ARHGAP42: variants seen among roughly 807,000 people sequenced by gnomAD.
ARHGAP42 encodes rho GTPase-activating protein 42.
A neutral mutation model predicts 125.0 loss-of-function variants in ARHGAP42; 63 were observed. The ratio of observed to expected loss-of-function variants is 0.50; its 90% confidence interval spans 0.41 to 0.62. The LOEUF is 0.62. Among genes scored for constraint, ARHGAP42 ranks in the 20% least tolerant of loss-of-function variants. The probability of loss-of-function intolerance (pLI) is 0.00; values close to 1 mark genes in which losing one functional copy is unlikely to be tolerated. For missense variants in ARHGAP42, 766 were observed against 1,024.2 expected (o/e 0.75, Z 3.44); for synonymous variants, 339 against 351.0 (o/e 0.97, Z 0.38).
chr11:100,778,465 A>G (rs1863185106), intron 2 of ARHGAP42, among the ~76,000 whole-genome samples: 1 of 152,194 alleles, frequency 6.6e-6, no homozygotes, highest in South Asian at 2.1e-4. Context: ...AAATGCCTAA[A>G]TTGTTTATAC....
At chr11:100,707,239 A>G (rs756615907) in intron 1 of ARHGAP42, among the ~76,000 whole-genome samples, 1 of 152,160 alleles carries the variant, frequency 6.6e-6, no homozygotes, top group South Asian at 2.1e-4. Context: ...GTGTGAACAT[A>G]TATTTTCATT....
At chr11:100,827,064 C>T (rs558828741) in intron 3 of ARHGAP42, among the ~76,000 whole-genome samples, 59 of 128,540 alleles carry the variant, frequency 4.6e-4, no homozygotes, top group African/African-American at 1.6e-3. Context: ...ACTGCAGTGG[C>T]GTTACCGCAG....
At chr11:100,890,961 G>A (rs996281621) in intron 4 of ARHGAP42, among the ~76,000 whole-genome samples, 1 of 152,204 alleles carries the variant, frequency 6.6e-6, no homozygotes, top group Non-Finnish European at 1.5e-5. Flanking sequence ...TTCTCTCCAA[G>A]GGGGCTGTTG....
At chr11:100,830,151 A>G (rs929355126) in intron 3 of ARHGAP42, among the ~76,000 whole-genome samples, 1 of 152,214 alleles carries the variant, frequency 6.6e-6, no homozygotes. Context: ...TTATACTAGA[A>G]TATATCTCAA....
intron 1 of ARHGAP42, among the ~76,000 whole-genome samples, chr11:100,760,396 G>A (rs1391689174): frequency 6.6e-6 from 1 of 152,070 alleles, no homozygotes; most frequent in Non-Finnish European, 1.5e-5. Context: ...AGCTTAGTAT[G>A]TCCTTTAAAA....
chr11:100,717,277 C>A (rs1163508437), intron 1 of ARHGAP42, among the ~76,000 whole-genome samples: 4 of 151,854 alleles, frequency 2.6e-5, no homozygotes, highest in Admixed American at 6.6e-5. Flanking sequence ...GGTTTGTGAC[C>A]CTAGAGGGTT....
chr11:100,826,829 G>A (rs1017602305), intron 3 of ARHGAP42, among the ~76,000 whole-genome samples: 1 of 152,022 alleles, frequency 6.6e-6, no homozygotes, highest in East Asian at 1.9e-4. Flanking sequence ...TTTGCCGTTG[G>A]TTTTCTATAC....
intron 1 of ARHGAP42, among the ~76,000 whole-genome samples, chr11:100,748,044 T>C (rs1862345157): frequency 6.6e-6 from 1 of 150,384 alleles, no homozygotes; most frequent in African/African-American, 2.4e-5. Flanking sequence ...CTGTCATGTC[T>C]GTGTACTAAA....
At chr11:100,865,263 C>A (rs956193926) in intron 4 of ARHGAP42, among the ~76,000 whole-genome samples, 1 of 151,960 alleles carries the variant, frequency 6.6e-6, no homozygotes, top group Non-Finnish European at 1.5e-5. Flanking sequence ...CATGTAATAT[C>A]CAAAAAAATC....
At chr11:100,902,865 C>G (rs1040277142) in intron 4 of ARHGAP42, among the ~76,000 whole-genome samples, 3 of 152,118 alleles carry the variant, frequency 2.0e-5, no homozygotes, top group African/African-American at 4.8e-5. Context: ...CAGGAGAGTT[C>G]TTGTTCCATG....
rs1414767708 is a variant in ARHGAP42 at position 100,770,412 on chromosome 11, C to G, written c.224C>G (p.Ala75Gly). The change falls in exon 2 of 24, where the codon GCT becomes GGT. Residue 75 changes from alanine (A) to glycine (G), a missense_variant. Coordinates refer to ENST00000298815, the MANE Select transcript of ARHGAP42 (RefSeq NM_152432.4). ...TTCCAGTTTGAATGTATTGGTGATGCTGAAACAGATGATGAAATTAGTATT... is the reference window on the plus strand; with the variant it reads ...TTCCAGTTTGAATGTATTGGTGATGGTGAAACAGATGATGAAATTAGTATT... ...QDFQFECIGD[A>G]ETDDEISIAQ... is the part of the protein sequence containing the mutation. 1.3e-6 allele frequency: 2 copies of G among 1,550,382 alleles called. No individual in the cohort carries two copies.
chr11:100,689,115 C>G (rs552472255), intron 1 of ARHGAP42, among the ~76,000 whole-genome samples: 1 of 152,276 alleles, frequency 6.6e-6, no homozygotes, highest in South Asian at 2.1e-4. Flanking sequence ...TACTTAACCA[C>G]TTGTGTTACT....
At chr11:100,710,263 C>T (rs1680689694) in intron 1 of ARHGAP42, among the ~76,000 whole-genome samples, 1 of 151,908 alleles carries the variant, frequency 6.6e-6, no homozygotes, top group Admixed American at 6.6e-5. Flanking sequence ...AGTCTCACTC[C>T]ATCTCCCAGA....
chr11:100,696,217 C>A (rs1298158091), intron 1 of ARHGAP42, among the ~76,000 whole-genome samples: 1 of 151,694 alleles, frequency 6.6e-6, no homozygotes, highest in Non-Finnish European at 1.5e-5. Context: ...AGAGCAAGAC[C>A]CTGTGTCAAA....
chr11:100,851,976 A>G (rs1865214641), intron 3 of ARHGAP42, among the ~76,000 whole-genome samples: 1 of 152,136 alleles, frequency 6.6e-6, no homozygotes, highest in East Asian at 1.9e-4. Flanking sequence ...TTGGGAAGAG[A>G]TGAGCACAAA....
At chr11:100,891,712 G>A (rs1002734585) in intron 4 of ARHGAP42, among the ~76,000 whole-genome samples, 1 of 152,106 alleles carries the variant, frequency 6.6e-6, no homozygotes, top group Non-Finnish European at 1.5e-5. Context: ...CTAAGTGCTG[G>A]GATTACAGGT....
chr11:100,764,904 A>G (rs1186112374), intron 1 of ARHGAP42, among the ~76,000 whole-genome samples: 2 of 152,208 alleles, frequency 1.3e-5, no homozygotes, highest in African/African-American at 4.8e-5. Flanking sequence ...AAGCATCACC[A>G]GAGAATCCCA....
intron 2 of ARHGAP42, among the ~76,000 whole-genome samples, chr11:100,774,632 G>C (rs114514414): frequency 5.4e-4 from 83 of 152,302 alleles, no homozygotes; most frequent in African/African-American, 1.9e-3. Flanking sequence ...TGGGTAGGAA[G>C]GGAAGAGGAA....
chr11:100,816,331 G>T (rs660338), intron 3 of ARHGAP42, among the ~76,000 whole-genome samples: 8,233 of 150,254 alleles, frequency 0.055, 374 homozygotes, highest in African/African-American at 0.14. Flanking sequence ...GTTTTTTTTT[G>T]ATAGTAGCCA....
Sources: allele counts gnomAD v4.1 joint callset (sites outside exome capture counted in the v4.1 genomes callset), GRCh38; gene constraint gnomAD v4.1.1; transcripts MANE v1.5; gene names NCBI Gene and HGNC (gene_info 2026-07-23, HGNC 2026-07-21).